Variants in SLC9A3 observed in about 807,000 individuals in gnomAD.
SLC9A3 encodes the protein sodium/hydrogen exchanger 3.
A neutral mutation model predicts 86.8 loss-of-function variants in SLC9A3; 37 were observed. The observed-to-expected ratio is 0.43, with a 90% CI of 0.33 to 0.56. The LOEUF is 0.56. Among genes scored for constraint, SLC9A3 ranks in the 20% least tolerant of loss-of-function variants. The probability of loss-of-function intolerance (pLI) is 0.06; values close to 1 mark genes in which losing one functional copy is unlikely to be tolerated. For synonymous variants in SLC9A3, 581 were observed against 528.3 expected (o/e 1.10, Z -1.37); for missense variants, 1,011 against 1,171.9 (o/e 0.86, Z 2.00).
chr5:513,397 C>T (rs1733632005), intron 1 of SLC9A3, among the ~76,000 whole-genome samples: 1 of 152,148 alleles, frequency 6.6e-6, no homozygotes, highest in Non-Finnish European at 1.5e-5. Flanking sequence ...GCTAGATGGG[C>T]CTTCACACAT....
chr5:479,272 A>AG (rs1738990868), intron 10 of SLC9A3: 1 of 155,326 alleles, frequency 6.4e-6, no homozygotes, highest in African/African-American at 2.4e-5. Flanking sequence ...CATAGTGGGC[A>AG]GGTGCGGGAG....
Position 472,798 on chromosome 5 carries a change from A to G in SLC9A3, c.*581T>C. The G allele has an allele frequency of 1.7e-6, 1 of 575,856 alleles. No homozygotes were observed. The highest frequency in any genetic ancestry group is 1.5e-5 in the South Asian group (1 of 65,450). 35.7% of individuals were successfully genotyped at this position (575,856 alleles called of 1,614,324 possible). A position where few individuals can be genotyped will look rare whatever the true frequency, so the allele number is the denominator to read the frequency against. On this transcript the variant is annotated 3_prime_UTR_variant, in exon 17 of 17. Transcript: ENST00000264938. ...AGTCCTGGCGCTCGGGAGGTCCCTGAGTCGGTCCCCGAGTCAGTCCCCGGG... is the reference window on the plus strand; with the variant it reads ...AGTCCTGGCGCTCGGGAGGTCCCTGGGTCGGTCCCCGAGTCAGTCCCCGGG...
intron 1 of SLC9A3, among the ~76,000 whole-genome samples, chr5:521,305 C>T (rs1733877816): frequency 6.6e-6 from 1 of 152,206 alleles, no homozygotes; most frequent in African/African-American, 2.4e-5. Context: ...GGGCCACCTG[C>T]TGAGGCCCCA....
chr5:488,355 G>A lies in SLC9A3; in HGVS notation c.636C>T (p.Ile212=), dbSNP rs762488428. 27 of 1,612,624 alleles carry A rather than the reference G, an allele frequency of 1.7e-5. No individual in the cohort carries two copies. Among genetic ancestry groups the A allele is most frequent in the Non-Finnish European group, 2.1e-5 (25 of 1,179,882 alleles). ...EVHVNEVLFI[I]VFGESLLNDA... is the part of the protein sequence containing the mutation. ...CGTTCAGCAGCGACTCCCCGAAGAC[G>A]ATGATGAACAGGACCTCGTTGACAT... Residue 212 remains isoleucine (I), a synonymous_variant, in exon 3 of 17, where the codon ATC becomes ATT. Transcript: ENST00000264938.
chr5:487,782 C>G (rs1739539099), intron 3 of SLC9A3, among the ~76,000 whole-genome samples: 1 of 152,266 alleles, frequency 6.6e-6, no homozygotes. Flanking sequence ...ATTCTCCTGT[C>G]TCAGCCTCCC....
At chr5:514,516 T>C (rs373862302) in intron 1 of SLC9A3, among the ~76,000 whole-genome samples, 3 of 152,326 alleles carry the variant, frequency 2.0e-5, no homozygotes, top group South Asian at 4.1e-4. Flanking sequence ...CCTCAGGCAG[T>C]CCTGCCCAGT....
intron 4 of SLC9A3, among the ~76,000 whole-genome samples, 199 bp from the exon 5 acceptor site, chr5:484,896 G>A (rs1282136682): frequency 1.3e-5 from 2 of 152,202 alleles, no homozygotes; most frequent in African/African-American, 4.8e-5. Context: ...TGGGAGCCTG[G>A]CCCCAGGCCC....
intron 6 of SLC9A3, 103 bp downstream of exon 6, chr5:483,159 G>C: frequency 1.1e-6 from 1 of 901,630 alleles, no homozygotes; most frequent in Non-Finnish European, 1.7e-6. Context: ...CCTTGCACGG[G>C]GCTGCACCTC....
rs1033755038 is a variant in SLC9A3 at position 473,484 on chromosome 5, C to T, written c.2502-102G>A. On this transcript the variant is annotated intron_variant, in intron 16 of 16. Coordinates refer to ENST00000264938, the MANE Select transcript of SLC9A3 (RefSeq NM_004174.4). ...TGTCCCCGAGCCCGGCGGCTCTCGCCTCCCCTCCCGCGGCGCACCCCAGGC... is the reference window on the plus strand; with the variant it reads ...TGTCCCCGAGCCCGGCGGCTCTCGCTTCCCCTCCCGCGGCGCACCCCAGGC... 1.2e-5 allele frequency: 12 copies of T among 1,027,306 alleles called. No individual in the cohort carries two copies. In the African/African-American group the frequency reaches 1.7e-4, roughly 14 times the overall value. 63.6% of individuals were successfully genotyped at this position (1,027,306 alleles called of 1,614,324 possible).
intron 7 of SLC9A3, 95 bp from the exon 8 acceptor site, chr5:482,252 C>A (rs1739238156): frequency 3.2e-6 from 3 of 929,836 alleles, no homozygotes; most frequent in African/African-American, 3.3e-5. Context: ...TGCCCCGGGG[C>A]CCACAGGCGC....
chr5:472,515 T>C lies in SLC9A3; in HGVS notation c.*864A>G. 1 of 338,918 alleles carries C rather than the reference T, an allele frequency of 3.0e-6. No individual in the cohort carries two copies. Among genetic ancestry groups the C allele is most frequent in the Non-Finnish European group, 5.8e-6 (1 of 171,390 alleles). The allele number at this position is 338,918 out of a possible 1,614,324, so 21.0% of individuals were successfully genotyped here. A position where few individuals can be genotyped will look rare whatever the true frequency, so the allele number is the denominator to read the frequency against. ...CGACCTCCGCGCCAGGTGCGACAGC[T>C]CAGGCCGGAGACCTCGTCTGTGGGG... is the stretch of plus-strand genomic sequence containing the variant. On this transcript the variant is annotated 3_prime_UTR_variant, in exon 17 of 17. Coordinates refer to ENST00000264938, the MANE Select transcript of SLC9A3 (RefSeq NM_004174.4).
Position 497,395 on chromosome 5 carries a change from C to T in SLC9A3, c.212-5324G>A, listed in dbSNP as rs913935797. On this transcript the variant is annotated intron_variant, in intron 1 of 16. Coordinates refer to ENST00000264938, the MANE Select transcript of SLC9A3 (RefSeq NM_004174.4). The surrounding 1 kb of genome is among the most constrained non-coding windows in gnomAD (Gnocchi z 5.4). ...TCCGGGTTCTTCCCTTGACAGCTGG[C>T]GTCCACCCTCGAGCATTTGCGAATG... Among the ~76,000 whole-genome samples, 4 of 152,234 alleles carry T rather than the reference C, an allele frequency of 2.6e-5. No homozygotes were observed. Among genetic ancestry groups the T allele is most frequent in the Admixed American group, 1.3e-4 (2 of 15,292 alleles).
At chr5:485,085 G>T in intron 4 of SLC9A3, 68 bp downstream of exon 4, 1 of 1,191,194 alleles carries the variant, frequency 8.4e-7, no homozygotes, top group Non-Finnish European at 1.3e-6. Context: ...ATGGGCTGCA[G>T]GCCAGAGAAG....
chr5:504,837 C>T (rs955471443), intron 1 of SLC9A3, among the ~76,000 whole-genome samples: 4 of 152,026 alleles, frequency 2.6e-5, no homozygotes, highest in African/African-American at 4.8e-5. Flanking sequence ...GGCAGGGGTG[C>T]GGCTGGTTGA....
chr5:475,996 G>C (rs776902986), intron 14 of SLC9A3, 24 bp downstream of exon 14: 2 of 1,586,060 alleles, frequency 1.3e-6, no homozygotes, highest in Non-Finnish European at 1.7e-6. Flanking sequence ...CAGTCCCAGC[G>C]TTCCTGCAGG....
chr5:475,497 G>T, intron 15 of SLC9A3, 64 bp downstream of exon 15: 1 of 964,556 alleles, frequency 1.0e-6, no homozygotes, highest in Non-Finnish European at 1.6e-6. Context: ...CAATGACCGA[G>T]CTCCCTCCTG....
Position 471,951 on chromosome 5 carries a change from C to T in SLC9A3, c.*1428G>A, listed in dbSNP as rs546370472. The T allele has an allele frequency of 2.2e-6, 1 of 456,702 alleles. No homozygotes were observed. The highest frequency in any genetic ancestry group is 6.9e-5 in the East Asian group (1 of 14,540). The allele number at this position is 456,702 out of a possible 1,614,324, so 28.3% of individuals were successfully genotyped here. A position where few individuals can be genotyped will look rare whatever the true frequency, so the allele number is the denominator to read the frequency against. The stretch of plus-strand genomic sequence containing the variant: ...TTTAAGAACTCCTCCTGACTGGTGA[C>T]TGTCAACACTTGATCTGAAACGTGA... On this transcript the variant is annotated 3_prime_UTR_variant, in exon 17 of 17. Coordinates refer to ENST00000264938, the MANE Select transcript of SLC9A3 (RefSeq NM_004174.4).
rs1377619205 is a variant in SLC9A3, at chr5:474,974, A to T, written c.2410T>A (p.Phe804Ile). The T allele has an allele frequency of 1.9e-6, 3 of 1,611,044 alleles. No homozygotes were observed. The highest frequency in any genetic ancestry group is 2.5e-6 in the Non-Finnish European group (3 of 1,179,180). Residue 804 changes from phenylalanine (F) to isoleucine (I), a missense_variant, in exon 16 of 17, where the codon TTC (phenylalanine) becomes ATC (isoleucine). Phe to Ile is a conservative substitution (Grantham distance 21). This residue lies in a region of SLC9A3 where 397 missense variants were observed against 346.3 expected (regional missense o/e 1.15). Coordinates refer to ENST00000264938, the MANE Select transcript of SLC9A3 (RefSeq NM_004174.4). ...TCCACGGACTTGCTGCTGAGGCGGA[A>T]GGGCATCAGGCGGCAGAAGGTGCCG... is the stretch of plus-strand genomic sequence containing the variant. The part of the protein sequence containing the change: ...SPGTFCRLMP[F>I]RLSSKSVDSF...
intron 1 of SLC9A3, among the ~76,000 whole-genome samples, chr5:501,481 C>T (rs1317616739): frequency 6.6e-6 from 1 of 152,208 alleles, no homozygotes; most frequent in Non-Finnish European, 1.5e-5. Flanking sequence ...GCACAGGTAC[C>T]CACCCTCCCG....
Sources: gnomAD v4.1 joint callset for allele counts (sites outside exome capture counted in the v4.1 genomes callset) on GRCh38, gnomAD v4.1.1 for gene constraint, gnomAD v4.1.1 regional missense constraint, Gnocchi (gnomAD v3.1) non-coding constraint, MANE v1.5 for transcripts, NCBI Gene and HGNC (gene_info 2026-07-23, HGNC 2026-07-21) for gene names.